Variants in BANP observed in about 807,000 individuals in gnomAD.
BANP encodes BTG3 associated nuclear protein.
BANP carries 11 observed loss-of-function variants against 68.1 expected under a neutral mutation model. The observed-to-expected ratio is 0.16, with a 90% CI of 0.10 to 0.27. The LOEUF (loss-of-function observed/expected upper bound fraction) is 0.27, where lower values mean the gene tolerates loss of function less well. Among genes scored for constraint, BANP ranks in the 10% least tolerant of loss-of-function variants. The pLI, the probability that BANP is intolerant of heterozygous loss-of-function variation, is 1.00. For missense variants in BANP, 504 were observed against 722.7 expected (o/e 0.70, Z 3.47); for synonymous variants, 329 against 303.2 (o/e 1.09, Z -0.88).
At chr16:88,073,336 C>T (rs1050426051) in intron 13 of BANP, among the ~76,000 whole-genome samples, 1 of 152,202 alleles carries the variant, frequency 6.6e-6, no homozygotes, top group Admixed American at 6.5e-5. Context: ...TGTAGAAGGT[C>T]TGGCCCCTCC....
chr16:87,982,974 CCT>C, intron 3 of BANP, among the ~76,000 whole-genome samples: 1 of 151,890 alleles, frequency 6.6e-6, no homozygotes, highest in East Asian at 1.9e-4. Context: ...CTCCCGCTCC[CCT>C]GTCAATGTGG....
chr16:87,996,128 C>T (rs1183268536), intron 4 of BANP, among the ~76,000 whole-genome samples: 2 of 152,158 alleles, frequency 1.3e-5, no homozygotes, highest in Non-Finnish European at 2.9e-5. Flanking sequence ...CATTTGTGCC[C>T]AGGCAGAGGT....
upstream of BANP, chr16:87,949,877 T>TTC (rs1448007117): frequency 6.2e-5 from 9 of 144,728 alleles, no homozygotes; most frequent in African/African-American, 2.4e-4. Context: ...CTTTCTTTCT[T>TTC]TTTTTTTTTT....
chr16:87,986,815 G>C (rs750778627), intron 4 of BANP, among the ~76,000 whole-genome samples: 5 of 152,190 alleles, frequency 3.3e-5, no homozygotes, highest in Admixed American at 2.0e-4. Flanking sequence ...TACTGACTCA[G>C]ATGCACAATC....
intron 11 of BANP, among the ~76,000 whole-genome samples, chr16:88,042,324 C>T (rs1366478780): frequency 1.3e-5 from 2 of 152,192 alleles, no homozygotes; most frequent in African/African-American, 2.4e-5. Context: ...GGTGTGGGGA[C>T]GCACTGGCTG....
intron 6 of BANP, among the ~76,000 whole-genome samples, chr16:88,013,156 G>T (rs2073621507): frequency 6.6e-6 from 1 of 152,232 alleles, no homozygotes; most frequent in Non-Finnish European, 1.5e-5. Flanking sequence ...TAGAGCGTTT[G>T]CCTCCATTCC....
chr16:88,026,811 G>A (rs117190533), intron 7 of BANP, among the ~76,000 whole-genome samples: 3,427 of 152,302 alleles, frequency 0.023, 168 homozygotes, highest in East Asian at 0.16. Flanking sequence ...CTGTGTTTGC[G>A]AGGGGAACAG....
At chr16:88,027,037 C>T (rs918329151) in intron 7 of BANP, among the ~76,000 whole-genome samples, 11 of 152,246 alleles carry the variant, frequency 7.2e-5, no homozygotes, top group Admixed American at 4.6e-4. Flanking sequence ...CGAGCAGGCC[C>T]GAGTAGGCAG....
Position 88,018,032 on chromosome 16 carries a change from C to T in BANP, c.656-396C>T, listed in dbSNP as rs879273926. Among the ~76,000 whole-genome samples, 4 of 151,966 alleles carry T rather than the reference C, an allele frequency of 2.6e-5. No homozygotes were observed. The highest frequency in any genetic ancestry group is 4.4e-5 in the Non-Finnish European group (3 of 67,970). On this transcript the variant is annotated intron_variant, in intron 6 of 13. Coordinates refer to ENST00000682872, the MANE Select transcript of BANP (RefSeq NM_001386991.1). This position sits in a 1 kb window ranked among gnomAD's most constrained non-coding sequence, Gnocchi z 7.7. The stretch of plus-strand genomic sequence containing the variant: ...CTGGCCAGTGGGAGAGCATGGCTGG[C>T]AGTGAGGTGTGAGGGACCCCGGGGA...
chr16:87,968,788 C>G (rs940924754), intron 1 of BANP, among the ~76,000 whole-genome samples: 2 of 152,094 alleles, frequency 1.3e-5, no homozygotes, highest in Non-Finnish European at 2.9e-5. Context: ...AGAACATGAG[C>G]GTGCGTAGGT....
chr16:87,984,079 A>G lies in BANP; in HGVS notation c.182A>G (p.Asn61Ser). ...PSIKSFLYSINQTICLRLDSI... is the reference protein window; with the variant it reads ...PSIKSFLYSISQTICLRLDSI... ...TTCCAGTCATTCCTGTATTCCATCA[A>G]CCAGACAATCTGCTTGCGGTTGGAT... is the stretch of plus-strand genomic sequence containing the variant. The change falls in exon 4 of 14, where the codon AAC (asparagine) becomes AGC (serine). Residue 61 changes from asparagine to serine, a missense_variant. Coordinates refer to ENST00000682872, the MANE Select transcript of BANP (RefSeq NM_001386991.1). The G allele has an allele frequency of 3.1e-6, 5 of 1,613,980 alleles. No individual in the cohort carries two copies. The highest frequency in any genetic ancestry group is 4.2e-6 in the Non-Finnish European group (5 of 1,179,946).
At chr16:88,063,263 G>T (rs933262210) in intron 11 of BANP, among the ~76,000 whole-genome samples, 3 of 152,288 alleles carry the variant, frequency 2.0e-5, no homozygotes, top group African/African-American at 4.8e-5. Context: ...CTCGGCTTTC[G>T]CCTCTCAGCC....
chr16:87,984,509 T>C (rs1467599311), intron 4 of BANP, among the ~76,000 whole-genome samples: 2 of 152,256 alleles, frequency 1.3e-5, no homozygotes, highest in African/African-American at 4.8e-5. Flanking sequence ...GCACCTTTTC[T>C]TTGGAACTAA....
chr16:88,035,811 C>T (rs1299371223), intron 10 of BANP, among the ~76,000 whole-genome samples: 1 of 152,228 alleles, frequency 6.6e-6, no homozygotes, highest in African/African-American at 2.4e-5. Flanking sequence ...CTAGTGGCCT[C>T]TACGGGATTA....
chr16:88,003,311 G>T lies in BANP; in HGVS notation c.363-984G>T, dbSNP rs1461828769. On this transcript the variant is annotated intron_variant, in intron 4 of 13. Transcript: ENST00000682872. This position sits in a 1 kb window ranked among gnomAD's most constrained non-coding sequence, Gnocchi z 6.1. ...TTGAGCATGGCGTGGTGCTGTGCTG[G>T]CACTCAATGTGGGGACAGTTACAGT... Among the ~76,000 whole-genome samples the T allele has an allele frequency of 6.6e-6, 1 of 152,216 alleles. No homozygotes were observed. Among genetic ancestry groups the T allele is most frequent in the Non-Finnish European group, 1.5e-5 (1 of 68,046 alleles).
chr16:88,035,104 T>C, intron 9 of BANP: 1 of 541,586 alleles, frequency 1.8e-6, no homozygotes, highest in South Asian at 2.1e-5. Flanking sequence ...GTGGTGGGGG[T>C]AGGGGGTGCT....
At chr16:88,019,587 TC>T (rs1284198872) in intron 7 of BANP, among the ~76,000 whole-genome samples, 719 of 6,264 alleles carry the variant, frequency 0.11, 133 homozygotes, top group African/African-American at 0.25. Flanking sequence ...GTCCGGGATC[TC>T]GGCGTGCGGG....
intron 6 of BANP, among the ~76,000 whole-genome samples, chr16:88,011,571 A>T (rs942960107): frequency 6.6e-6 from 1 of 152,262 alleles, no homozygotes; most frequent in Admixed American, 6.5e-5. Context: ...AAATAAAAGC[A>T]GCCCACACCA....
chr16:88,038,784 C>G (rs2080055080), intron 11 of BANP, among the ~76,000 whole-genome samples: 1 of 152,018 alleles, frequency 6.6e-6, no homozygotes, highest in African/African-American at 2.4e-5. Flanking sequence ...TGGTGAAGAC[C>G]CTTTCTGTTC....
Sources: allele counts gnomAD v4.1 joint callset (sites outside exome capture counted in the v4.1 genomes callset), GRCh38; gene constraint gnomAD v4.1.1; non-coding constraint Gnocchi (gnomAD v3.1); transcripts MANE v1.5; gene names NCBI Gene and HGNC (gene_info 2026-07-23, HGNC 2026-07-21).